MBNL1: variants seen among roughly 807,000 people sequenced by gnomAD.
The protein encoded by MBNL1 is muscleblind-like protein 1.
In MBNL1, 8 loss-of-function variants were observed where a neutral mutation model predicts 42.2. That is an observed-to-expected ratio of 0.19 (90% CI 0.11 to 0.34). MBNL1 has a LOEUF of 0.34. Among genes scored for constraint, MBNL1 ranks in the 10% least tolerant of loss-of-function variants. MBNL1 has a pLI of 1.00. For missense variants in MBNL1, 309 were observed against 495.3 expected (o/e 0.62, Z 3.57); for synonymous variants, 169 against 173.9 (o/e 0.97, Z 0.22).
In MBNL1 at chr3:152,452,447, A is replaced by G. The variant is rs185521851; in HGVS notation, c.962-3095A>G. Among the ~76,000 whole-genome samples the G allele has an allele frequency of 1.3e-3, 198 of 152,292 alleles. 1 individual carries two copies. The highest frequency in any genetic ancestry group is 4.1e-3 in the Admixed American group (63 of 15,300). On this transcript the variant is annotated intron_variant, in intron 6 of 9. Transcript: ENST00000324210. ...CTCAATGTGAGGTCCTGTACAGTCT[A>G]GTATTCTCAGACAGGCTATGCATTC...
chr3:152,322,652 A>C (rs1429203419), intron 2 of MBNL1, among the ~76,000 whole-genome samples: 1 of 151,942 alleles, frequency 6.6e-6, no homozygotes, highest in Non-Finnish European at 1.5e-5. Flanking sequence ...TTATTGATTG[A>C]TTTTTTTCAT....
intron 2 of MBNL1, among the ~76,000 whole-genome samples, chr3:152,366,878 A>G (rs1219016388): frequency 6.6e-6 from 1 of 152,200 alleles, no homozygotes; most frequent in Non-Finnish European, 1.5e-5. Flanking sequence ...CTTAATTAAC[A>G]GTGAAGGGAT....
At chr3:152,412,408 C>T (rs1215203436) in intron 2 of MBNL1, among the ~76,000 whole-genome samples, 2 of 152,116 alleles carry the variant, frequency 1.3e-5, no homozygotes, top group Non-Finnish European at 2.9e-5. Context: ...CCTGTGGTCA[C>T]AGCTCTCTGT....
At chr3:152,301,956 C>CT (rs2060884992) in intron 2 of MBNL1, 1 of 152,186 alleles carries the variant, frequency 6.6e-6, no homozygotes, top group Non-Finnish European at 1.5e-5. Flanking sequence ...AAATGAAGGA[C>CT]ATTAAATTTG....
At chr3:152,363,501 A>C (rs1355488732) in intron 2 of MBNL1, among the ~76,000 whole-genome samples, 1 of 152,206 alleles carries the variant, frequency 6.6e-6, no homozygotes, top group African/African-American at 2.4e-5. Flanking sequence ...GAGGAGGATG[A>C]AGATGGTAGA....
At chr3:152,376,772 CTATA>C (rs771269212) in intron 2 of MBNL1, among the ~76,000 whole-genome samples, 8 of 151,054 alleles carry the variant, frequency 5.3e-5, no homozygotes, top group Admixed American at 2.6e-4. Context: ...CGCACTCTCT[CTATA>C]TATATACGCA....
At chr3:152,392,637 T>C (rs1433433616) in intron 2 of MBNL1, among the ~76,000 whole-genome samples, 1 of 152,250 alleles carries the variant, frequency 6.6e-6, no homozygotes, top group Non-Finnish European at 1.5e-5. Context: ...CCCCTTTCTA[T>C]TTTTATCCTC....
At chr3:152,338,531 T>C (rs2091999842) in intron 2 of MBNL1, 18 of 985,374 alleles carry the variant, frequency 1.8e-5, no homozygotes, top group Non-Finnish European at 2.2e-5. Flanking sequence ...CCTGAAACTT[T>C]CCTAGCCTGG....
chr3:152,450,935 G>A (rs911377002), intron 6 of MBNL1, among the ~76,000 whole-genome samples: 2 of 152,174 alleles, frequency 1.3e-5, no homozygotes, highest in Non-Finnish European at 2.9e-5. Flanking sequence ...GTAATCTCAT[G>A]TCTAATACCT....
chr3:152,414,011 T>G (rs34632729), intron 2 of MBNL1, among the ~76,000 whole-genome samples: 19,696 of 152,168 alleles, frequency 0.13, 1,550 homozygotes, highest in African/African-American at 0.22. Flanking sequence ...CAAACTCGTG[T>G]GCTCAGGAGA....
upstream of MBNL1, chr3:152,265,442 T>G (rs1430593492): frequency 3.3e-5 from 5 of 151,472 alleles, no homozygotes; most frequent in East Asian, 9.6e-4. Context: ...ACAAGTTATA[T>G]TGCAGAGGCA....
chr3:152,277,229 A>G (rs899019691), intron 1 of MBNL1, among the ~76,000 whole-genome samples: 1 of 152,178 alleles, frequency 6.6e-6, no homozygotes, highest in African/African-American at 2.4e-5. Context: ...TCTAAAGGTC[A>G]CCAAATTCTT....
chr3:152,295,379 A>C (rs1432299520), intron 1 of MBNL1, among the ~76,000 whole-genome samples: 2 of 152,220 alleles, frequency 1.3e-5, no homozygotes, highest in Non-Finnish European at 2.9e-5. Flanking sequence ...AGCAATGCAG[A>C]TATTTCTTGG....
chr3:152,370,952 A>G (rs2096634594), intron 2 of MBNL1, among the ~76,000 whole-genome samples: 1 of 151,522 alleles, frequency 6.6e-6, no homozygotes, highest in Non-Finnish European at 1.5e-5. Flanking sequence ...TCTTTATTCA[A>G]TTTGCCAGTC....
chr3:152,337,938 C>G (rs139949973), intron 2 of MBNL1: 1 of 208,346 alleles, frequency 4.8e-6, no homozygotes, highest in East Asian at 1.8e-4. Context: ...CATCTAATTC[C>G]CAATAATGTT....
At chr3:152,283,988 A>G (rs1166249804) in intron 1 of MBNL1, among the ~76,000 whole-genome samples, 1 of 152,020 alleles carries the variant, frequency 6.6e-6, no homozygotes, top group East Asian at 1.9e-4. Context: ...CCTTTTTTAT[A>G]TATAGTTATT....
At chr3:152,413,272 T>A (rs1174792765) in intron 2 of MBNL1, among the ~76,000 whole-genome samples, 2 of 152,222 alleles carry the variant, frequency 1.3e-5, no homozygotes, top group African/African-American at 4.8e-5. Flanking sequence ...TAAAAAATCA[T>A]CTTCATACCA....
chr3:152,252,756 A>G lies in MBNL1; in HGVS notation n.333+8316A>G, dbSNP rs2034839202. On this transcript the variant is annotated intron_variant and non_coding_transcript_variant, in intron 2 of 2. Coordinates refer to the MBNL1 transcript ENST00000477171. ...TTTTTAAAAGTTAAATGGGCATGTT[A>G]CGGAAAAAATAATTATGTAAAGCAA... 2.0e-5 allele frequency among the ~76,000 whole-genome samples: 3 copies of G among 152,136 alleles called. No individual in the cohort carries two copies. In the South Asian group the frequency reaches 6.2e-4, roughly 31 times the overall value.
At chr3:152,272,632 A>G (rs2042570414) in intron 1 of MBNL1, among the ~76,000 whole-genome samples, 1 of 152,046 alleles carries the variant, frequency 6.6e-6, no homozygotes, top group Admixed American at 6.6e-5. Context: ...AGATTGCTGC[A>G]TTCATAAGAA....
Sources: allele counts gnomAD v4.1 joint callset (sites outside exome capture counted in the v4.1 genomes callset), GRCh38; gene constraint gnomAD v4.1.1; transcripts MANE v1.5; gene names NCBI Gene and HGNC (gene_info 2026-07-23, HGNC 2026-07-21).